The following YBEY variants were observed in gnomAD, a reference collection of about 807,000 sequenced individuals.
YBEY encodes the protein ybeY metalloendoribonuclease, also known as endoribonuclease YbeY.
Under a neutral mutation model 13.5 loss-of-function variants are expected in YBEY, and 15 were observed. The ratio of observed to expected loss-of-function variants is 1.11; its 90% CI spans 0.75 to 1.72. The LOEUF (loss-of-function observed/expected upper bound fraction) is 1.72. Ranked by LOEUF, YBEY falls within the 40% of genes most tolerant of loss-of-function variation. YBEY has a pLI of 0.00. For synonymous variants in YBEY, 101 were observed against 83.1 expected, an observed-to-expected ratio of 1.21 and a Z score of -1.17; for missense variants, 244 against 208.4, an observed-to-expected ratio of 1.17 and a Z score of -1.05.
At chr21:46,298,047 C>G (rs1267733386), downstream of YBEY, among the ~76,000 whole-genome samples, 1 of 152,222 alleles carries the variant, frequency 6.6e-6, no homozygotes, top group Non-Finnish European at 1.5e-5. Flanking sequence ...AGCGCCAGCG[C>G]ACGCCTCTTC....
At position 46,296,526 on chromosome 21, in the gene YBEY, G is replaced by C. The variant is rs373103526; in HGVS notation, c.408+296G>C. Among the ~76,000 whole-genome samples the C allele has an allele frequency of 3.3e-5, 5 of 152,322 alleles. No individual in the cohort carries two copies. The East Asian group carries it at 5.8e-4, about 18-fold the overall frequency. Reference sequence around the variant, plus strand: ...TCAGCTAGAGACTAGGCCAGACCCAGGGCGGAGGCGGGAGCTCTGCGTGGA... The same window carrying C: ...TCAGCTAGAGACTAGGCCAGACCCACGGCGGAGGCGGGAGCTCTGCGTGGA... On this transcript the variant is annotated intron_variant, in intron 4 of 4. Transcript: ENST00000397701.
At chr21:46,291,216 A>AAAAAAAAAGG in intron 2 of YBEY, 118 bp from the exon 3 acceptor site, 1 of 915,290 alleles carries the variant, frequency 1.1e-6, no homozygotes, top group Non-Finnish European at 1.4e-6. Context: ...AAAAAAAAAA[A>AAAAAAAAAGG]GTGATTTGGC....
downstream of YBEY, chr21:46,297,876 G>T: frequency 1.1e-6 from 1 of 903,112 alleles, no homozygotes; most frequent in African/African-American, 1.7e-5. Context: ...CTCGCCTCTC[G>T]CCCTTCAAGG....
chr21:46,310,595 G>A, the YBEY span, among the ~76,000 whole-genome samples: 57 of 151,986 alleles, frequency 3.8e-4, no homozygotes, highest in Admixed American at 3.3e-3. Flanking sequence ...GATCACCTGA[G>A]GTTGGGAGTT....
the YBEY span, chr21:46,311,690 T>TCCAACCAACCAA: frequency 1.1e-5 from 5 of 475,504 alleles, no homozygotes; most frequent in Non-Finnish European, 1.9e-5. Context: ...CACCCATCCA[T>TCCAACCAACCAA]CCAACCAACC....
the YBEY span, among the ~76,000 whole-genome samples, chr21:46,312,370 G>A: frequency 1.3e-5 from 2 of 152,106 alleles, no homozygotes; most frequent in African/African-American, 4.8e-5. Flanking sequence ...CCAGGCTGGA[G>A]TGCAATGGTA....
downstream of YBEY, among the ~76,000 whole-genome samples, chr21:46,299,530 C>T (rs2082057537): frequency 6.6e-6 from 1 of 152,150 alleles, no homozygotes; most frequent in South Asian, 2.1e-4. Flanking sequence ...CCCAGAGTCA[C>T]CCGGCCCTTC....
chr21:46,295,180 A>C (rs1346888246), intron 3 of YBEY, among the ~76,000 whole-genome samples: 2 of 152,056 alleles, frequency 1.3e-5, no homozygotes, highest in African/African-American at 4.8e-5. Context: ...CCTCGGGCCC[A>C]GAGCCCTCTC....
the YBEY span, among the ~76,000 whole-genome samples, chr21:46,309,467 A>C: frequency 6.6e-6 from 1 of 152,182 alleles, no homozygotes; most frequent in East Asian, 1.9e-4. Context: ...GTCTCAAAAA[A>C]AAAAAAAAAA....
chr21:46,313,144 C>A, the YBEY span: 1 of 786,442 alleles, frequency 1.3e-6, no homozygotes, highest in Non-Finnish European at 1.5e-6. Context: ...CTTGAGTTGG[C>A]CATTGCAGCA....
intron 4 of YBEY, among the ~76,000 whole-genome samples, chr21:46,297,202 G>C (rs960621827): frequency 6.6e-6 from 1 of 152,176 alleles, no homozygotes; most frequent in African/African-American, 2.4e-5. Context: ...GGGAGGCTGA[G>C]GCAGGAGAAT....
At chr21:46,295,702 T>G (rs1159039535) in intron 3 of YBEY, among the ~76,000 whole-genome samples, 1 of 129,754 alleles carries the variant, frequency 7.7e-6, no homozygotes, top group Non-Finnish European at 1.6e-5. Flanking sequence ...TTCAGTAAAA[T>G]CAGGGGCCAC....
chr21:46,300,705 A>G (rs2082079848), downstream of YBEY: 2 of 1,286,132 alleles, frequency 1.6e-6, no homozygotes, highest in Non-Finnish European at 2.0e-6. Context: ...CTCTCTGGTC[A>G]TCCTGTCTCC....
the YBEY span, among the ~76,000 whole-genome samples, chr21:46,309,975 C>T: frequency 1.2e-4 from 18 of 151,800 alleles, no homozygotes; most frequent in African/African-American, 2.2e-4. Flanking sequence ...CCAGCCTAGG[C>T]GACAGGCAAG....
At chr21:46,305,296 T>C in the YBEY span, among the ~76,000 whole-genome samples, 1 of 149,690 alleles carries the variant, frequency 6.7e-6, no homozygotes, top group Non-Finnish European at 1.5e-5. Context: ...TAAAGTTACA[T>C]GGTTTTTTTT....
intron 4 of YBEY, among the ~76,000 whole-genome samples, chr21:46,297,096 C>G (rs575360622): frequency 6.6e-5 from 10 of 152,052 alleles, no homozygotes; most frequent in African/African-American, 2.4e-4. Flanking sequence ...GTCAGGAGTT[C>G]AAGACCAGTC....
the YBEY span, among the ~76,000 whole-genome samples, chr21:46,304,997 ACAGT>A: frequency 1.2e-4 from 19 of 152,202 alleles, no homozygotes; most frequent in Non-Finnish European, 2.5e-4. Context: ...CACAGCGAAC[ACAGT>A]CAGACTCATA....
chr21:46,300,868 A>G, downstream of YBEY: 3 of 1,101,550 alleles, frequency 2.7e-6, no homozygotes, highest in Middle Eastern at 2.4e-4. Context: ...GCAAAGAAAC[A>G]TAATTGCACC....
At chr21:46,299,695 C>G (rs2082060067), downstream of YBEY, among the ~76,000 whole-genome samples, 1 of 152,108 alleles carries the variant, frequency 6.6e-6, no homozygotes, top group Non-Finnish European at 1.5e-5. Flanking sequence ...TTCAACCTCT[C>G]TCAGTGAGTG....
Sources: allele counts gnomAD v4.1 joint callset (sites outside exome capture counted in the v4.1 genomes callset), GRCh38; gene constraint gnomAD v4.1.1; transcripts MANE v1.5; gene names NCBI Gene and HGNC (gene_info 2026-07-23, HGNC 2026-07-21).